SMOC2: variants seen among roughly 807,000 people sequenced by gnomAD.
The protein encoded by SMOC2 is SPARC related modular calcium binding 2.
A neutral mutation model predicts 61.4 loss-of-function variants in SMOC2; 39 were observed. That is an observed-to-expected ratio of 0.64 (90% confidence interval 0.49 to 0.83). The LOEUF is 0.83. SMOC2 is among the 40% of genes least tolerant of loss of function. SMOC2 has a pLI of 0.00. For synonymous variants in SMOC2, 247 were observed against 239.9 expected (o/e 1.03, Z -0.27); for missense variants, 556 against 592.9 (o/e 0.94, Z 0.65).
chr6:168,608,907 A>AGC (rs1785781078), intron 9 of SMOC2, among the ~76,000 whole-genome samples: 1 of 152,204 alleles, frequency 6.6e-6, no homozygotes, highest in Admixed American at 6.5e-5. Context: ...ATCACACTAC[A>AGC]GCGTACTTTG....
At chr6:168,520,176 G>T (rs1355383091) in intron 2 of SMOC2, among the ~76,000 whole-genome samples, 1 of 152,146 alleles carries the variant, frequency 6.6e-6, no homozygotes, top group Non-Finnish European at 1.5e-5. Context: ...ATCTATATTA[G>T]GATATTAGGA....
intron 7 of SMOC2, among the ~76,000 whole-genome samples, chr6:168,584,421 A>G (rs956339569): frequency 6.6e-6 from 1 of 152,200 alleles, no homozygotes; most frequent in African/African-American, 2.4e-5. Context: ...CGAAACTTGC[A>G]TAGATAAAGC....
At chr6:168,464,186 CAAAAA>C (rs61434310) in intron 1 of SMOC2, among the ~76,000 whole-genome samples, 6 of 112,394 alleles carry the variant, frequency 5.3e-5, no homozygotes, top group African/African-American at 1.7e-4. Flanking sequence ...GCAAGACTGT[CAAAAA>C]AAAAAAAAAA....
intron 1 of SMOC2, among the ~76,000 whole-genome samples, chr6:168,465,085 A>G (rs1344302272): frequency 6.6e-6 from 1 of 152,242 alleles, no homozygotes. Flanking sequence ...CCCCTGCCCC[A>G]TGGAAGGAAG....
intron 9 of SMOC2, among the ~76,000 whole-genome samples, chr6:168,621,692 G>A (rs1345165029): frequency 6.9e-6 from 1 of 144,342 alleles, no homozygotes; most frequent in African/African-American, 2.6e-5. Flanking sequence ...GGAAGTGCCA[G>A]ATGTTTATAA....
At chr6:168,638,132 CT>C (rs1442338228) in intron 9 of SMOC2, among the ~76,000 whole-genome samples, 8 of 152,176 alleles carry the variant, frequency 5.3e-5, no homozygotes, top group Non-Finnish European at 1.2e-4. Context: ...CACACACTCG[CT>C]GGCCAGCCCC....
chr6:168,532,272 G>T (rs1783623481), intron 4 of SMOC2, among the ~76,000 whole-genome samples: 1 of 152,172 alleles, frequency 6.6e-6, no homozygotes, highest in Non-Finnish European at 1.5e-5. Flanking sequence ...TTCAAGGAAG[G>T]CACAGTAAAG....
intron 7 of SMOC2, among the ~76,000 whole-genome samples, chr6:168,585,582 T>C (rs1785028100): frequency 6.6e-6 from 1 of 152,054 alleles, no homozygotes; most frequent in Non-Finnish European, 1.5e-5. Flanking sequence ...TACCTGAGAG[T>C]AGGTTTCCAG....
chr6:168,638,069 CA>C (rs1461211481), intron 9 of SMOC2, among the ~76,000 whole-genome samples: 2 of 151,060 alleles, frequency 1.3e-5, no homozygotes, highest in African/African-American at 4.9e-5. Context: ...GCCCCTGCCC[CA>C]CCCTGCCCTG....
In SMOC2 at chr6:168,558,517, C is replaced by G. The variant is rs185394685; in HGVS notation, c.637+9314C>G. ...GGGCCTGGGCTGGTTCTCGGCCCCC[C>G]CTGTGTGATCCTGATCAATGCATTT... On this transcript the variant is annotated intron_variant, in intron 7 of 12. Transcript: ENST00000356284. Among the ~76,000 whole-genome samples, 4 of 152,162 alleles carry G rather than the reference C, an allele frequency of 2.6e-5. No individual in the cohort carries two copies. In the East Asian group the frequency reaches 5.8e-4, roughly 22 times the overall value.
At chr6:168,514,506 A>T (rs114881130) in intron 2 of SMOC2, among the ~76,000 whole-genome samples, 288 of 152,352 alleles carry the variant, frequency 1.9e-3, no homozygotes, top group African/African-American at 6.8e-3. Flanking sequence ...TGTCTGACCG[A>T]CGTGTGTGAG....
Position 168,549,114 on chromosome 6 carries a change from C to T in SMOC2, c.563-15C>T, listed in dbSNP as rs1171251607. 6.2e-7 allele frequency: 1 copy of T among 1,610,614 alleles called. No homozygotes were observed. The highest frequency in any genetic ancestry group is 8.5e-7 in the Non-Finnish European group (1 of 1,176,884). On this transcript the variant is annotated splice_polypyrimidine_tract_variant and intron_variant, in intron 6 of 12. Coordinates refer to ENST00000356284, the MANE Select transcript of SMOC2 (RefSeq NM_001166412.2). ...GATGAATTAAAGATGCTTGTCATTTCATTTTGGTTCATAGATATTGCATCA... is the reference window on the plus strand; with the variant it reads ...GATGAATTAAAGATGCTTGTCATTTTATTTTGGTTCATAGATATTGCATCA...
At position 168,479,691 on chromosome 6, in the gene SMOC2, C is replaced by G. The variant is rs73271002; in HGVS notation, c.85-30224C>G. Among the ~76,000 whole-genome samples the G allele has an allele frequency of 4.2e-3, 645 of 152,278 alleles. 7 individuals carry two copies. Among genetic ancestry groups the G allele is most frequent in the African/African-American group, 0.015 (605 of 41,550 alleles). The stretch of plus-strand genomic sequence containing the variant: ...CATGCAGTTTGTGAGAATCAGAGTG[C>G]GGAGAAAGACCCTGTCCTTCAAATA... On this transcript the variant is annotated intron_variant, in intron 1 of 12. Transcript: ENST00000356284.
intron 8 of SMOC2, among the ~76,000 whole-genome samples, chr6:168,600,453 T>A (rs1785521849): frequency 7.0e-6 from 1 of 143,020 alleles, no homozygotes; most frequent in Non-Finnish European, 1.5e-5. Flanking sequence ...AAACAGTAGT[T>A]TCAACTGTTG....
chr6:168,507,609 T>C (rs1268674630), intron 1 of SMOC2, among the ~76,000 whole-genome samples: 4 of 152,252 alleles, frequency 2.6e-5, no homozygotes, highest in African/African-American at 9.6e-5. Context: ...CCCCCACTGC[T>C]GGAAGAGCTC....
At chr6:168,629,739 T>A (rs1053848008) in intron 9 of SMOC2, among the ~76,000 whole-genome samples, 5 of 152,106 alleles carry the variant, frequency 3.3e-5, no homozygotes, top group African/African-American at 1.2e-4. Context: ...TGTGAACAGA[T>A]GAATGTGTGT....
chr6:168,532,822 G>T (rs1426280062), intron 4 of SMOC2, among the ~76,000 whole-genome samples: 1 of 152,150 alleles, frequency 6.6e-6, no homozygotes, highest in African/African-American at 2.4e-5. Flanking sequence ...GCCTATCCCT[G>T]CCTTCTAAAG....
intron 1 of SMOC2, among the ~76,000 whole-genome samples, chr6:168,456,597 G>A (rs185199004): frequency 1.3e-5 from 2 of 152,328 alleles, no homozygotes; most frequent in African/African-American, 2.4e-5. Flanking sequence ...CCCCAGTGCC[G>A]AAGCTTGAGA....
intron 6 of SMOC2, 100 bp from the exon 7 acceptor site, chr6:168,549,028 AT>A (rs2115106447): frequency 1.2e-6 from 1 of 854,450 alleles, no homozygotes; most frequent in East Asian, 2.4e-5. Context: ...TGTTATGTTG[AT>A]TTATTTTGGC....
Sources: allele counts gnomAD v4.1 joint callset (sites outside exome capture counted in the v4.1 genomes callset), GRCh38; gene constraint gnomAD v4.1.1; transcripts MANE v1.5; gene names NCBI Gene and HGNC (gene_info 2026-07-23, HGNC 2026-07-21).